Variants in GPC5 observed in about 807,000 individuals in gnomAD.
The protein encoded by GPC5 is glypican 5.
GPC5 carries 47 observed loss-of-function variants against 53.9 expected under a neutral mutation model. The observed-to-expected ratio is 0.87, with a 90% CI of 0.69 to 1.11. The LOEUF (loss-of-function observed/expected upper bound fraction) is 1.11. Ranked by LOEUF, GPC5 falls within the 50% of genes most tolerant of loss-of-function variation. The pLI is 0.00. For synonymous variants in GPC5, 286 were observed against 263.3 expected (o/e 1.09, Z -0.84); for missense variants, 748 against 713.1 (o/e 1.05, Z -0.56).
intron 6 of GPC5, among the ~76,000 whole-genome samples, chr13:92,128,315 G>A (rs972400665): frequency 2.6e-5 from 4 of 152,092 alleles, no homozygotes; most frequent in African/African-American, 9.7e-5. Context: ...TTTCACCAGT[G>A]ACACCTATGT....
At chr13:92,415,955 T>C (rs974617439) in intron 7 of GPC5, among the ~76,000 whole-genome samples, 1 of 152,104 alleles carries the variant, frequency 6.6e-6, no homozygotes, top group Admixed American at 6.5e-5. Context: ...TAAGCATAAA[T>C]TACAGATGAA....
At chr13:92,242,642 C>T (rs1271842595) in intron 7 of GPC5, among the ~76,000 whole-genome samples, 1 of 151,942 alleles carries the variant, frequency 6.6e-6, no homozygotes, top group Admixed American at 6.6e-5. Flanking sequence ...CTAAACTAGT[C>T]CCATTTAAAC....
At chr13:92,697,437 G>T (rs1887591512) in intron 7 of GPC5, among the ~76,000 whole-genome samples, 1 of 151,956 alleles carries the variant, frequency 6.6e-6, no homozygotes, top group African/African-American at 2.4e-5. Context: ...TGTATTCCTA[G>T]GTATTTTATT....
chr13:91,615,274 T>A (rs1482066432), intron 2 of GPC5, among the ~76,000 whole-genome samples: 2 of 152,196 alleles, frequency 1.3e-5, no homozygotes, highest in African/African-American at 4.8e-5. Context: ...GTAACTGGCC[T>A]TTTGTATATG....
intron 5 of GPC5, among the ~76,000 whole-genome samples, chr13:91,806,420 TTTAA>T (rs2038222877): frequency 7.5e-6 from 1 of 132,956 alleles, no homozygotes; most frequent in African/African-American, 2.7e-5. Flanking sequence ...CTTTACTTGG[TTTAA>T]TTAATTTAAT....
intron 6 of GPC5, among the ~76,000 whole-genome samples, chr13:92,014,667 G>A (rs1009786656): frequency 4.6e-5 from 7 of 152,084 alleles, no homozygotes; most frequent in Admixed American, 4.6e-4. Flanking sequence ...TTTACAATAT[G>A]AACATGCAAA....
At chr13:92,864,410 AC>A (rs1307981375) in intron 7 of GPC5, among the ~76,000 whole-genome samples, 1 of 152,060 alleles carries the variant, frequency 6.6e-6, no homozygotes, top group African/African-American at 2.4e-5. Flanking sequence ...CATCCACTAA[AC>A]CTAAATCAGT....
At chr13:91,718,150 G>T (rs1017986062) in intron 3 of GPC5, among the ~76,000 whole-genome samples, 1 of 151,374 alleles carries the variant, frequency 6.6e-6, no homozygotes, top group Non-Finnish European at 1.5e-5. Flanking sequence ...TCTCTCTGTA[G>T]CCCAGGCTGG....
chr13:91,424,733 G>T (rs1291230181), intron 1 of GPC5, among the ~76,000 whole-genome samples: 1 of 152,154 alleles, frequency 6.6e-6, no homozygotes, highest in East Asian at 1.9e-4. Context: ...GCCATGACTA[G>T]CATCCCAAGG....
intron 7 of GPC5, among the ~76,000 whole-genome samples, chr13:92,237,187 A>G (rs1030312552): frequency 1.2e-4 from 18 of 152,148 alleles, no homozygotes; most frequent in African/African-American, 3.6e-4. Flanking sequence ...AATAATAACA[A>G]TTGTACAAAA....
chr13:92,163,646 C>T (rs906673796), intron 7 of GPC5, among the ~76,000 whole-genome samples: 2 of 152,106 alleles, frequency 1.3e-5, no homozygotes, highest in Non-Finnish European at 2.9e-5. Flanking sequence ...TCATCACTAG[C>T]TACACCTACT....
At chr13:91,805,615 C>T (rs1385579911) in intron 5 of GPC5, among the ~76,000 whole-genome samples, 1 of 152,118 alleles carries the variant, frequency 6.6e-6, no homozygotes, top group African/African-American at 2.4e-5. Context: ...ATTTAAAGTG[C>T]TGCTAAAATG....
rs564564345 is a variant in GPC5, at chr13:92,817,383, CTTTTTTGAT to C, written c.1562-48893_1562-48885del. On this transcript the variant is annotated intron_variant, in intron 7 of 7. Transcript: ENST00000377067. ...TCAAATATTTCGGTTTGGGTACATACTTTTTTGATTTTTTAAGTCCTTCACCAAAACTAT... is the reference window on the plus strand; with the variant it reads ...TCAAATATTTCGGTTTGGGTACATACTTTTTAAGTCCTTCACCAAAACTAT... Among the ~76,000 whole-genome samples the C allele has an allele frequency of 9.9e-5, 15 of 152,016 alleles. 1 individual carries two copies. The South Asian group carries it at 2.5e-3, about 25-fold the overall frequency.
chr13:92,346,943 G>GA (rs925148931), intron 7 of GPC5, among the ~76,000 whole-genome samples: 16 of 151,866 alleles, frequency 1.1e-4, no homozygotes, highest in African/African-American at 3.9e-4. Context: ...TTAAGCAGCA[G>GA]AAAAAAATCA....
chr13:91,644,756 C>A (rs1038284282), intron 2 of GPC5, among the ~76,000 whole-genome samples: 1 of 152,060 alleles, frequency 6.6e-6, no homozygotes, highest in African/African-American at 2.4e-5. Flanking sequence ...TTGTGAAATT[C>A]TTTTAAAAAA....
chr13:91,880,588 T>C (rs2039253430), intron 5 of GPC5, among the ~76,000 whole-genome samples: 1 of 152,202 alleles, frequency 6.6e-6, no homozygotes, highest in Admixed American at 6.5e-5. Flanking sequence ...GTCATTTTAA[T>C]ATTCTCACTC....
chr13:92,227,174 C>T (rs1433686448), intron 7 of GPC5, among the ~76,000 whole-genome samples: 1 of 152,052 alleles, frequency 6.6e-6, no homozygotes. Context: ...ACGGAAATAC[C>T]AAAGTGGAGG....
intron 2 of GPC5, among the ~76,000 whole-genome samples, chr13:91,630,137 G>A (rs1328823157): frequency 3.3e-5 from 5 of 152,062 alleles, no homozygotes; most frequent in East Asian, 1.9e-4. Flanking sequence ...AAAGATTAGG[G>A]ACTGTATTAA....
At position 91,945,888 on chromosome 13, in the gene GPC5, T is replaced by C. The variant is rs76318185; in HGVS notation, c.1401+37831T>C. ...GTGATTCATACACTTTTAGAAGTTA[T>C]TATTTTGTAGTTATTTTTCGGGGAA... On this transcript the variant is annotated intron_variant, in intron 6 of 7. Transcript: ENST00000377067. Among the ~76,000 whole-genome samples, 9 of 152,314 alleles carry C rather than the reference T, an allele frequency of 5.9e-5. No individual in the cohort carries two copies. The East Asian group carries it at 1.7e-3, about 29-fold the overall frequency.
Sources: allele counts gnomAD v4.1 joint callset (sites outside exome capture counted in the v4.1 genomes callset), GRCh38; gene constraint gnomAD v4.1.1; transcripts MANE v1.5; gene names NCBI Gene and HGNC (gene_info 2026-07-23, HGNC 2026-07-21).